Variants in CIB4 observed in about 807,000 individuals in gnomAD.
CIB4 encodes calcium and integrin-binding family member 4.
CIB4 carries 25 observed loss-of-function variants against 25.8 expected under a neutral mutation model. That is an observed-to-expected ratio of 0.97 (90% confidence interval 0.71 to 1.35). CIB4 has a LOEUF of 1.35. Ranked by LOEUF, CIB4 falls within the 40% of genes most tolerant of loss-of-function variation. The pLI, the probability that CIB4 is intolerant of heterozygous loss-of-function variation, is 0.00. For synonymous variants in CIB4, 75 were observed against 81.4 expected (o/e 0.92, Z 0.42); for missense variants, 235 against 228.2 (o/e 1.03, Z -0.19).
chr2:26,634,877 T>C (rs1424238647), intron 2 of CIB4, among the ~76,000 whole-genome samples: 1 of 152,188 alleles, frequency 6.6e-6, no homozygotes, highest in Non-Finnish European at 1.5e-5. Flanking sequence ...CAAGAGAGTG[T>C]CAGGAACCAT....
intron 6 of CIB4, among the ~76,000 whole-genome samples, chr2:26,581,611 C>A (rs958982210): frequency 1.3e-5 from 2 of 152,316 alleles, no homozygotes; most frequent in East Asian, 1.9e-4. Context: ...CCAGAAGGAA[C>A]CTTGTGGTGC....
At chr2:26,635,971 A>G (rs1414927720) in intron 2 of CIB4, among the ~76,000 whole-genome samples, 2 of 152,166 alleles carry the variant, frequency 1.3e-5, no homozygotes, top group Admixed American at 1.3e-4. Context: ...CATACCCCAC[A>G]CCACCTCTCT....
At chr2:26,639,302 C>T (rs910246416) in intron 2 of CIB4, among the ~76,000 whole-genome samples, 23 of 151,782 alleles carry the variant, frequency 1.5e-4, no homozygotes, top group Non-Finnish European at 1.8e-4. Context: ...ACCCATCAAC[C>T]TGTCATCTAC....
intron 5 of CIB4, among the ~76,000 whole-genome samples, chr2:26,583,568 G>A (rs1295502545): frequency 6.6e-6 from 1 of 152,140 alleles, no homozygotes; most frequent in Non-Finnish European, 1.5e-5. Flanking sequence ...AAGTGGAGGG[G>A]CAGTTGCCTC....
At chr2:26,594,491 C>T (rs1668642741) in intron 4 of CIB4, among the ~76,000 whole-genome samples, 1 of 152,126 alleles carries the variant, frequency 6.6e-6, no homozygotes, top group Non-Finnish European at 1.5e-5. Flanking sequence ...ACGTGAGATG[C>T]GAATGAGCAA....
intron 2 of CIB4, among the ~76,000 whole-genome samples, chr2:26,631,368 G>A (rs1669417321): frequency 6.6e-6 from 1 of 152,190 alleles, no homozygotes; most frequent in African/African-American, 2.4e-5. Flanking sequence ...TAGCTATTCA[G>A]GAGGCTGAAG....
Position 26,639,208 on chromosome 2 carries a change from A to T in CIB4, c.89+1325T>A, listed in dbSNP as rs139152592. ...ATTTGAATTTTCTTTTTTTTTTTTT[A>T]AATTATATTTTAAGTTCTGGGATAC... On this transcript the variant is annotated intron_variant, in intron 2 of 6. Coordinates refer to ENST00000288861, the MANE Select transcript of CIB4 (RefSeq NM_001029881.3). Among the ~76,000 whole-genome samples, 1,400 of 148,480 alleles carry T rather than the reference A, an allele frequency of 9.4e-3. 10 individuals are homozygous for T. The highest frequency in any genetic ancestry group is 0.024 in the Middle Eastern group (7 of 292).
intron 3 of CIB4, among the ~76,000 whole-genome samples, chr2:26,622,033 C>A (rs931614412): frequency 6.6e-6 from 1 of 152,218 alleles, no homozygotes; most frequent in African/African-American, 2.4e-5. Flanking sequence ...TATTTCATGA[C>A]TCAGCTCTGA....
intron 3 of CIB4, among the ~76,000 whole-genome samples, chr2:26,598,503 TG>T: frequency 6.6e-6 from 1 of 151,952 alleles, no homozygotes; most frequent in African/African-American, 2.4e-5. Flanking sequence ...CAACTGGGCT[TG>T]GGAAACAGTG....
At chr2:26,581,988 G>A (rs1399568380) in intron 6 of CIB4, among the ~76,000 whole-genome samples, 1 of 152,246 alleles carries the variant, frequency 6.6e-6, no homozygotes, top group South Asian at 2.1e-4. Context: ...ATGGTCTTAT[G>A]TCTGACAAAG....
chr2:26,628,976 G>T (rs1281656474), intron 3 of CIB4, among the ~76,000 whole-genome samples: 1 of 152,174 alleles, frequency 6.6e-6, no homozygotes, highest in Non-Finnish European at 1.5e-5. Flanking sequence ...TGGGGTGAGG[G>T]TTAAGTAAGG....
At chr2:26,589,042 T>TTCTTCTTCTTCCTCTTCC (rs1668518601) in intron 4 of CIB4, among the ~76,000 whole-genome samples, 1 of 47,432 alleles carries the variant, frequency 2.1e-5, no homozygotes, top group African/African-American at 8.8e-5. Context: ...CTTCTTCTTC[T>TTCTTCTTCTTCCTCTTCC]TCTTCTTCTT....
intron 4 of CIB4, 52 bp downstream of exon 4, chr2:26,595,124 T>C (rs573370796): frequency 1.3e-6 from 2 of 1,552,214 alleles, no homozygotes; most frequent in African/African-American, 1.3e-5. Context: ...AGATACGGTA[T>C]GTTCTCTATG....
At chr2:26,604,718 G>A (rs2148205442) in intron 3 of CIB4, among the ~76,000 whole-genome samples, 1 of 152,304 alleles carries the variant, frequency 6.6e-6, no homozygotes, top group East Asian at 1.9e-4. Context: ...AAGGAAGCCT[G>A]TTTCTGCACA....
chr2:26,588,604 C>CA (rs1290875065), intron 4 of CIB4, among the ~76,000 whole-genome samples: 5 of 152,228 alleles, frequency 3.3e-5, no homozygotes, highest in Admixed American at 3.3e-4. Flanking sequence ...TTACAGAAAT[C>CA]AACCTGTGGT....
At chr2:26,595,133 T>C (rs913909471) in intron 4 of CIB4, 43 bp downstream of exon 4, 7 of 1,576,242 alleles carry the variant, frequency 4.4e-6, no homozygotes, top group African/African-American at 1.3e-5. Context: ...ATGTTCTCTA[T>C]GGCCTTTCCA....
At chr2:26,586,098 T>A (rs1478952338) in intron 4 of CIB4, among the ~76,000 whole-genome samples, 1 of 152,194 alleles carries the variant, frequency 6.6e-6, no homozygotes, top group Non-Finnish European at 1.5e-5. Context: ...CCTGGCAGTC[T>A]CTTGCTGAGC....
chr2:26,618,201 G>C (rs1312343726), intron 3 of CIB4, among the ~76,000 whole-genome samples: 1 of 152,166 alleles, frequency 6.6e-6, no homozygotes, highest in Admixed American at 6.5e-5. Context: ...CCCTCCACAT[G>C]TGCCATATCC....
chr2:26,630,611 C>T (rs922397817), intron 2 of CIB4, among the ~76,000 whole-genome samples: 24 of 151,228 alleles, frequency 1.6e-4, no homozygotes. Context: ...TAGAGCCGGA[C>T]AGATCTACAT....
Sources: gnomAD v4.1 joint callset for allele counts (sites outside exome capture counted in the v4.1 genomes callset) on GRCh38, gnomAD v4.1.1 for gene constraint, MANE v1.5 for transcripts, NCBI Gene and HGNC (gene_info 2026-07-23, HGNC 2026-07-21) for gene names.